ADGRF4: variants seen among roughly 807,000 people sequenced by gnomAD.
ADGRF4 encodes the protein adhesion G protein-coupled receptor F4.
ADGRF4 carries 63 observed loss-of-function variants against 58.5 expected under a neutral mutation model. The observed-to-expected ratio is 1.08, with a 90% CI of 0.88 to 1.33. The LOEUF (loss-of-function observed/expected upper bound fraction) is 1.33, where lower values mean the gene tolerates loss of function less well. ADGRF4 is among the 40% of genes most tolerant of loss of function. ADGRF4 has a pLI of 0.00. For synonymous variants in ADGRF4, 313 were observed against 295.4 expected (o/e 1.06, Z -0.61); for missense variants, 931 against 843.9 (o/e 1.10, Z -1.28).
At chr6:47,721,188 T>C (rs1772147615) in intron 9 of ADGRF4, 21 bp from the exon 10 acceptor site, 1 of 152,140 alleles carries the variant, frequency 6.6e-6, no homozygotes, top group African/African-American at 2.4e-5. Context: ...CTATTAATTG[T>C]TTTTCAACCA....
intron 9 of ADGRF4, among the ~76,000 whole-genome samples, chr6:47,719,948 C>G (rs924244307): frequency 6.6e-6 from 1 of 152,108 alleles, no homozygotes; most frequent in Non-Finnish European, 1.5e-5. Context: ...ATGAGGTAGG[C>G]GAGGAACTGA....
At chr6:47,699,220 A>G (rs1424045589) in intron 1 of ADGRF4, among the ~76,000 whole-genome samples, 2 of 152,258 alleles carry the variant, frequency 1.3e-5, no homozygotes, top group East Asian at 1.9e-4. Flanking sequence ...TCAATTTAAA[A>G]AAACATTTCT....
intron 8 of ADGRF4, 118 bp from the exon 9 acceptor site, chr6:47,718,271 T>C (rs912540373): frequency 2.8e-6 from 2 of 717,482 alleles, no homozygotes; most frequent in African/African-American, 1.7e-5. Context: ...TGTGTAGCTA[T>C]ATCAGTGTGG....
chr6:47,707,166 T>C, intron 1 of ADGRF4, 64 bp from the exon 2 acceptor site: 1 of 895,816 alleles, frequency 1.1e-6, no homozygotes, highest in Non-Finnish European at 1.9e-6. Context: ...GTTAGCCGGA[T>C]AAGTATTGTT....
At chr6:47,720,290 C>A (rs1462504243) in intron 9 of ADGRF4, among the ~76,000 whole-genome samples, 4 of 152,076 alleles carry the variant, frequency 2.6e-5, no homozygotes, top group Non-Finnish European at 5.9e-5. Context: ...AGGTGGTGGT[C>A]CAGGGCAGGG....
intron 1 of ADGRF4, among the ~76,000 whole-genome samples, chr6:47,700,411 T>C (rs1771564911): frequency 6.6e-6 from 1 of 152,216 alleles, no homozygotes. Context: ...AGACTCACTG[T>C]AGTTTTAAAT....
chr6:47,714,529 C>A lies in ADGRF4; in HGVS notation c.1284C>A (p.Ser428=), dbSNP rs1428132098. The A allele has an allele frequency of 5.6e-6, 9 of 1,614,080 alleles. No homozygotes were observed. In the Middle Eastern group the frequency reaches 4.9e-4, roughly 89 times the overall value. The change falls in exon 6 of 10, where the codon TCC becomes TCA. Residue 428 remains serine, a synonymous_variant. Transcript: ENST00000283303. ...TGATCATTGAAGCCACAGTGTGGTC[C>A]CGGGTGGTTGTGACGGAGATATCAT... ...LCLIIEATVW[S]RVVVTEISYM...
At chr6:47,718,718 G>T (rs1325729896) in intron 9 of ADGRF4, among the ~76,000 whole-genome samples, 1 of 152,100 alleles carries the variant, frequency 6.6e-6, no homozygotes, top group African/African-American at 2.4e-5. Context: ...ATTCCATCTT[G>T]TCAGTGAGTA....
intron 1 of ADGRF4, among the ~76,000 whole-genome samples, chr6:47,704,334 G>A (rs1470516631): frequency 6.6e-6 from 1 of 152,088 alleles, no homozygotes; most frequent in Non-Finnish European, 1.5e-5. Flanking sequence ...CCCGGCAGCA[G>A]GTGCTATTCT....
chr6:47,715,307 G>A (rs1236887060), intron 6 of ADGRF4, 130 bp downstream of exon 6: 6 of 727,380 alleles, frequency 8.2e-6, no homozygotes, highest in Non-Finnish European at 1.3e-5. Flanking sequence ...TTTGGCTATG[G>A]CATCTGTGAC....
At chr6:47,710,636 C>A in intron 3 of ADGRF4, 99 bp from the exon 4 acceptor site, 1 of 1,275,918 alleles carries the variant, frequency 7.8e-7, no homozygotes, top group Non-Finnish European at 1.1e-6. Context: ...CTCCAGGAAG[C>A]AATCCAAAAA....
chr6:47,710,662 T>G, intron 3 of ADGRF4, 73 bp from the exon 4 acceptor site: 1 of 1,459,608 alleles, frequency 6.9e-7, no homozygotes, highest in Non-Finnish European at 9.2e-7. Flanking sequence ...AGAATGAATT[T>G]GATGCACCTG....
chr6:47,714,852 T>C lies in ADGRF4; in HGVS notation c.1607T>C (p.Ile536Thr), dbSNP rs1771969775. 1 of 1,609,618 alleles carries C rather than the reference T, an allele frequency of 6.2e-7. No homozygotes were observed. The highest frequency in any genetic ancestry group is 1.3e-5 in the African/African-American group (1 of 74,870). Reference sequence around the variant, plus strand: ...ATCATTGCTGTCACTACAGTTGCTATCACAGAGCCAGAGAAAGGCTACATG... The same window carrying C: ...ATCATTGCTGTCACTACAGTTGCTACCACAGAGCCAGAGAAAGGCTACATG... ...PLIIAVTTVA[I>T]TEPEKGYMRP... Residue 536 changes from isoleucine to threonine, a missense_variant, in exon 6 of 10, where the codon ATC becomes ACC. By Grantham distance (89) the Ile-to-Thr change is moderately conservative (BLOSUM62 -1). Transcript: ENST00000283303.
Position 47,715,160 on chromosome 6 carries a change from T to G in ADGRF4, c.1915T>G (p.Leu639Val). ...CTTGACGTTCCATATAATTTTTGCCTTGCTCAATGCTTTCCAGGTAAGTTC... is the reference window on the plus strand; with the variant it reads ...CTTGACGTTCCATATAATTTTTGCCGTGCTCAATGCTTTCCAGGTAAGTTC... ...TSLTFHIIFA[L>V]LNAFQGFFIL... is the part of the protein sequence containing the mutation. The change falls in exon 6 of 10, where the codon TTG becomes GTG. Residue 639 changes from leucine (L) to valine (V), a missense_variant. Physicochemically the swap from Leu to Val is conservative, Grantham distance 32. Transcript: ENST00000283303. 6.3e-7 allele frequency: 1 copy of G among 1,587,250 alleles called. No homozygotes were observed. The highest frequency in any genetic ancestry group is 2.3e-5 in the East Asian group (1 of 44,188).
intron 2 of ADGRF4, 51 bp downstream of exon 2, chr6:47,707,389 C>T (rs1561865542): frequency 2.9e-6 from 3 of 1,048,730 alleles, no homozygotes; most frequent in Admixed American, 3.4e-5. Context: ...CTCAGTTGCC[C>T]TCAATGGCAA....
In ADGRF4 at chr6:47,721,376, GA is replaced by G. The variant is rs1448266765; in HGVS notation, c.*172del. 4.6e-5 allele frequency: 7 copies of G among 152,262 alleles called. No individual in the cohort carries two copies. The highest frequency in any genetic ancestry group is 2.1e-4 in the South Asian group (1 of 4,824). The allele number at this position is 152,262 out of a possible 1,614,324, so 9.4% of individuals were successfully genotyped here. ...CTTGGTCGGCCGAAGAAAAACTGAG[GA>G]TAACATTTGCTGACTGGGCTTTAAG... On this transcript the variant is annotated 3_prime_UTR_variant, in exon 10 of 10. Coordinates refer to ENST00000283303, the MANE Select transcript of ADGRF4 (RefSeq NM_153838.5).
chr6:47,699,907 C>T (rs1230205443), intron 1 of ADGRF4, among the ~76,000 whole-genome samples: 3 of 66,424 alleles, frequency 4.5e-5, no homozygotes, highest in Non-Finnish European at 1.3e-4. Context: ...CACACATACA[C>T]ACACACACAC....
intron 9 of ADGRF4, among the ~76,000 whole-genome samples, chr6:47,719,272 G>A (rs1040249820): frequency 2.6e-5 from 4 of 152,140 alleles, no homozygotes; most frequent in South Asian, 4.1e-4. Flanking sequence ...ACCATATGCT[G>A]TGCTGGTATG....
chr6:47,715,682 C>T (rs111898313), intron 6 of ADGRF4: 2,830 of 153,898 alleles, frequency 0.018, 68 homozygotes, highest in African/African-American at 0.063. Context: ...AGAAACAGAT[C>T]TTGCCATATG....
Sources: gnomAD v4.1 joint callset for allele counts (sites outside exome capture counted in the v4.1 genomes callset) on GRCh38, gnomAD v4.1.1 for gene constraint, MANE v1.5 for transcripts, NCBI Gene and HGNC (gene_info 2026-07-23, HGNC 2026-07-21) for gene names.